SPPL3: variants seen among roughly 807,000 people sequenced by gnomAD.
SPPL3 encodes the protein signal peptide peptidase like 3.
In SPPL3, 5 loss-of-function variants were observed where a neutral mutation model predicts 42.4. That is an observed-to-expected ratio of 0.12 (90% CI 0.06 to 0.25). The LOEUF is 0.25. Ranked by LOEUF, SPPL3 falls within the 10% of genes least tolerant of loss-of-function variation. The pLI is 1.00. For synonymous variants in SPPL3, 195 were observed against 181.8 expected (o/e 1.07, Z -0.58); for missense variants, 235 against 489.0 (o/e 0.48, Z 4.90).
At chr12:120,858,422 C>T (rs1180350632) in intron 1 of SPPL3, among the ~76,000 whole-genome samples, 1 of 151,426 alleles carries the variant, frequency 6.6e-6, no homozygotes, top group Non-Finnish European at 1.5e-5. Flanking sequence ...CAACATTGCA[C>T]TCCAGCCTGG....
In SPPL3 at chr12:120,802,516, C is replaced by G. The variant is rs565978119; in HGVS notation, c.101+8293G>C. 2.0e-5 allele frequency among the ~76,000 whole-genome samples: 3 copies of G among 149,926 alleles called. No homozygotes were observed. In the South Asian group the frequency reaches 6.3e-4, roughly 32 times the overall value. ...GTGGCGCAATCTCGGCTCACTGCAACCTCTGCCTCCCAGTTCAAGCGATTC... is the reference window on the plus strand; with the variant it reads ...GTGGCGCAATCTCGGCTCACTGCAAGCTCTGCCTCCCAGTTCAAGCGATTC... On this transcript the variant is annotated intron_variant, in intron 2 of 10. Transcript: ENST00000353487.
intron 2 of SPPL3, among the ~76,000 whole-genome samples, chr12:120,808,759 T>C (rs938567950): frequency 2.0e-5 from 3 of 152,210 alleles, no homozygotes; most frequent in Admixed American, 1.3e-4. Flanking sequence ...ATATAAATGA[T>C]TTCAACTATG....
intron 1 of SPPL3, among the ~76,000 whole-genome samples, chr12:120,891,705 A>T (rs189153215): frequency 5.8e-4 from 86 of 149,342 alleles, no homozygotes; most frequent in Non-Finnish European, 9.0e-4. Context: ...TGTTACTGAA[A>T]TTTTTTTCCC....
rs184037239 is a variant in SPPL3, at chr12:120,877,560, C to A, written c.23+26285G>T. ...CTTTGGGAGGCCGAGGCGGGTGGAT[C>A]ACCCAAGGTCAGGAGTTCAAGACCA... On this transcript the variant is annotated intron_variant, in intron 1 of 10. Transcript: ENST00000353487. Among the ~76,000 whole-genome samples the A allele has an allele frequency of 7.2e-5, 11 of 152,224 alleles. No individual in the cohort carries two copies. In the East Asian group the frequency reaches 2.1e-3, roughly 29 times the overall value.
intron 6 of SPPL3, among the ~76,000 whole-genome samples, chr12:120,779,304 G>GC (rs1477637952): frequency 1.3e-5 from 2 of 152,170 alleles, no homozygotes; most frequent in Non-Finnish European, 2.9e-5. Flanking sequence ...CTCTGAGCCA[G>GC]CCCCAGAGCT....
intron 2 of SPPL3, among the ~76,000 whole-genome samples, chr12:120,792,190 C>T (rs1460345340): frequency 3.9e-5 from 6 of 152,116 alleles, no homozygotes; most frequent in Non-Finnish European, 5.9e-5. Context: ...AAATTTTAGA[C>T]AGGATGAACA....
chr12:120,870,884 T>C (rs1028045642), intron 1 of SPPL3, among the ~76,000 whole-genome samples: 1 of 151,802 alleles, frequency 6.6e-6, no homozygotes, highest in Non-Finnish European at 1.5e-5. Context: ...AAGATGAACT[T>C]TGGGAGGCGG....
intron 2 of SPPL3, among the ~76,000 whole-genome samples, chr12:120,799,278 A>C (rs560000509): frequency 6.6e-6 from 1 of 152,362 alleles, no homozygotes; most frequent in Non-Finnish European, 1.5e-5. Context: ...TAAAGTGCTG[A>C]ATATTTCAAG....
chr12:120,770,886 A>G (rs963335123), intron 6 of SPPL3, among the ~76,000 whole-genome samples: 4 of 152,210 alleles, frequency 2.6e-5, no homozygotes, highest in African/African-American at 9.7e-5. Context: ...TTGGCTGTCT[A>G]GTTGGCCTCT....
intron 1 of SPPL3, among the ~76,000 whole-genome samples, chr12:120,824,204 G>A (rs1400751990): frequency 6.6e-6 from 1 of 152,100 alleles, no homozygotes; most frequent in Admixed American, 6.6e-5. Context: ...ACGAAGAATT[G>A]TTAGGAAGAA....
chr12:120,789,502 T>C (rs374167487), intron 3 of SPPL3, among the ~76,000 whole-genome samples: 13 of 149,028 alleles, frequency 8.7e-5, no homozygotes, highest in Middle Eastern at 3.4e-3. Flanking sequence ...TACCACTCTT[T>C]AGACTGTGCT....
chr12:120,903,804 C>A, intron 1 of SPPL3, 41 bp downstream of exon 1: 1 of 1,452,698 alleles, frequency 6.9e-7, no homozygotes, highest in Non-Finnish European at 9.0e-7. Context: ...CCCCGACCCC[C>A]ACCCTTGCCG....
chr12:120,881,937 A>G (rs1873298319), intron 1 of SPPL3, among the ~76,000 whole-genome samples: 1 of 152,054 alleles, frequency 6.6e-6, no homozygotes, highest in South Asian at 2.1e-4. Context: ...TAAAAGTTTA[A>G]TGGGTACAGT....
intron 2 of SPPL3, among the ~76,000 whole-genome samples, chr12:120,792,177 T>C (rs1362038589): frequency 1.3e-5 from 2 of 152,182 alleles, no homozygotes; most frequent in Non-Finnish European, 2.9e-5. Flanking sequence ...GGGTTAGGGT[T>C]TGAAATTTTA....
At chr12:120,854,805 A>G (rs1340553590) in intron 1 of SPPL3, among the ~76,000 whole-genome samples, 1 of 152,182 alleles carries the variant, frequency 6.6e-6, no homozygotes, top group East Asian at 1.9e-4. Flanking sequence ...CTTTTAAATA[A>G]CAGTCATTAC....
chr12:120,797,050 A>G (rs536628851), intron 2 of SPPL3, among the ~76,000 whole-genome samples: 8 of 152,134 alleles, frequency 5.3e-5, no homozygotes, highest in Non-Finnish European at 1.2e-4. Flanking sequence ...GGTGCCTGTA[A>G]TCCGAGCTAC....
At chr12:120,781,557 T>G (rs75183037) in intron 6 of SPPL3, among the ~76,000 whole-genome samples, 1,557 of 3,932 alleles carry the variant, frequency 0.4, 28 homozygotes, top group African/African-American at 0.45. Context: ...ATTGTTACGT[T>G]TTTTTTTTTT....
chr12:120,783,238 C>T (rs1042243353), intron 5 of SPPL3, among the ~76,000 whole-genome samples: 7 of 152,118 alleles, frequency 4.6e-5, no homozygotes, highest in African/African-American at 1.2e-4. Context: ...ATTTTGTTTC[C>T]GTGCAGCAAT....
intron 6 of SPPL3, among the ~76,000 whole-genome samples, chr12:120,777,944 T>C (rs1013437371): frequency 3.3e-5 from 5 of 152,134 alleles, no homozygotes; most frequent in Non-Finnish European, 7.4e-5. Flanking sequence ...AAGGTCTGTA[T>C]AGTCTAGAGG....
Sources: gnomAD v4.1 joint callset for allele counts (sites outside exome capture counted in the v4.1 genomes callset) on GRCh38, gnomAD v4.1.1 for gene constraint, MANE v1.5 for transcripts, NCBI Gene and HGNC (gene_info 2026-07-23, HGNC 2026-07-21) for gene names.